Variants in AGBL1 observed in about 807,000 individuals in gnomAD.
AGBL1 encodes cytosolic carboxypeptidase 4.
In AGBL1, 130 loss-of-function variants were observed where a neutral mutation model predicts 118.9. That is an observed-to-expected ratio of 1.09 (90% confidence interval 0.95 to 1.26). The LOEUF (loss-of-function observed/expected upper bound fraction) is 1.26, where lower values mean the gene tolerates loss of function less well. AGBL1 is among the 50% of genes most tolerant of loss of function. AGBL1 has a pLI of 0.00. For synonymous variants in AGBL1, 555 were observed against 478.9 expected (o/e 1.16, Z -2.08); for missense variants, 1,584 against 1,298.1 (o/e 1.22, Z -3.38).
intron 5 of AGBL1, among the ~76,000 whole-genome samples, chr15:86,213,428 G>A (rs1184167584): frequency 2.6e-5 from 4 of 152,184 alleles, no homozygotes; most frequent in Non-Finnish European, 4.4e-5. Context: ...CAACACCTGG[G>A]AGGTTGTTGG....
chr15:86,828,251 G>A (rs909662512), intron 22 of AGBL1, among the ~76,000 whole-genome samples: 17 of 151,898 alleles, frequency 1.1e-4, no homozygotes, highest in African/African-American at 4.1e-4. Context: ...CCTGTCGTAC[G>A]ACTTTTTTAT....
At chr15:86,412,715 G>C (rs1244334728) in intron 18 of AGBL1, among the ~76,000 whole-genome samples, 1 of 152,090 alleles carries the variant, frequency 6.6e-6, no homozygotes, top group Non-Finnish European at 1.5e-5. Context: ...TTGAAATATA[G>C]GGCAAATACA....
chr15:86,151,536 A>G (rs2077110884), intron 3 of AGBL1, among the ~76,000 whole-genome samples: 1 of 152,208 alleles, frequency 6.6e-6, no homozygotes, highest in South Asian at 2.1e-4. Context: ...CAAAATAATC[A>G]GAGCTATTTA....
At chr15:86,776,137 T>A (rs193270253) in intron 22 of AGBL1, among the ~76,000 whole-genome samples, 8 of 152,280 alleles carry the variant, frequency 5.3e-5, no homozygotes, top group Admixed American at 1.3e-4. Context: ...ATTTTCAGGT[T>A]GATAAAAGTG....
chr15:86,400,658 C>G (rs981663822), intron 18 of AGBL1, among the ~76,000 whole-genome samples: 2 of 149,498 alleles, frequency 1.3e-5, no homozygotes, highest in Non-Finnish European at 3.0e-5. Context: ...ATTCTCATGT[C>G]TTTGCATCCT....
At chr15:86,882,239 G>T (rs370211741) in intron 22 of AGBL1, among the ~76,000 whole-genome samples, 11 of 152,102 alleles carry the variant, frequency 7.2e-5, no homozygotes, top group Non-Finnish European at 1.5e-4. Flanking sequence ...CACTTCCTCA[G>T]AATTAAATAA....
chr15:86,842,103 C>T (rs2198309), intron 22 of AGBL1, among the ~76,000 whole-genome samples: 151,471 of 152,212 alleles, frequency 1, 75,367 homozygotes, highest in Middle Eastern at 1. Flanking sequence ...GAAAAAAATA[C>T]AATCTAAATT....
chr15:86,366,905 T>C (rs1286354850), intron 17 of AGBL1, among the ~76,000 whole-genome samples: 2 of 152,208 alleles, frequency 1.3e-5, no homozygotes, highest in Non-Finnish European at 2.9e-5. Flanking sequence ...GGTGTTCGCC[T>C]TGACCCCATA....
chr15:86,436,837 G>C (rs2082006070), intron 18 of AGBL1, among the ~76,000 whole-genome samples: 2 of 152,178 alleles, frequency 1.3e-5, no homozygotes, highest in South Asian at 4.1e-4. Context: ...CTAAGGAACT[G>C]CTTATGGTTC....
intron 21 of AGBL1, among the ~76,000 whole-genome samples, chr15:86,632,817 A>G (rs549381662): frequency 1.5e-5 from 1 of 65,032 alleles, no homozygotes; most frequent in South Asian, 6.0e-4. Context: ...TTTTGCAGTT[A>G]ATTTGTAAAA....
chr15:86,333,895 A>G (rs1410983287), intron 17 of AGBL1, among the ~76,000 whole-genome samples: 2 of 152,198 alleles, frequency 1.3e-5, no homozygotes, highest in Non-Finnish European at 2.9e-5. Flanking sequence ...CAAATCAATA[A>G]ATGTGATTCA....
intron 22 of AGBL1, among the ~76,000 whole-genome samples, chr15:86,720,647 TAGAA>T (rs2086703780): frequency 6.6e-6 from 1 of 152,026 alleles, no homozygotes; most frequent in Admixed American, 6.6e-5. Flanking sequence ...ACAAGTATGA[TAGAA>T]AGAATGCGAA....
At chr15:86,959,272 A>G (rs746755183) in intron 23 of AGBL1, among the ~76,000 whole-genome samples, 3 of 152,148 alleles carry the variant, frequency 2.0e-5, no homozygotes, top group Non-Finnish European at 4.4e-5. Flanking sequence ...GATTAAAGGT[A>G]TTTTAATATT....
intron 21 of AGBL1, among the ~76,000 whole-genome samples, chr15:86,596,581 G>A (rs1195844162): frequency 6.6e-6 from 1 of 152,076 alleles, no homozygotes; most frequent in Non-Finnish European, 1.5e-5. Flanking sequence ...AACACCTGGT[G>A]GACTTCTCTC....
At chr15:86,766,490 C>G (rs544937185) in intron 22 of AGBL1, among the ~76,000 whole-genome samples, 4 of 151,862 alleles carry the variant, frequency 2.6e-5, no homozygotes, top group African/African-American at 9.6e-5. Context: ...TGAAATTATT[C>G]CATTCAACGT....
chr15:86,120,201 A>C (rs1898011730), intron 1 of AGBL1, among the ~76,000 whole-genome samples: 1 of 152,124 alleles, frequency 6.6e-6, no homozygotes, highest in African/African-American at 2.4e-5. Context: ...GGGCTGTAAG[A>C]TATGTTGCAA....
At chr15:86,474,691 C>A (rs531669839) in intron 18 of AGBL1, among the ~76,000 whole-genome samples, 1 of 152,326 alleles carries the variant, frequency 6.6e-6, no homozygotes, top group South Asian at 2.1e-4. Context: ...CCTCTGCAGA[C>A]TTAAATGTCC....
At chr15:86,208,251 T>C (rs2078028312) in intron 5 of AGBL1, among the ~76,000 whole-genome samples, 2 of 152,240 alleles carry the variant, frequency 1.3e-5, no homozygotes, top group African/African-American at 4.8e-5. Context: ...TTTGCATCGA[T>C]GTTCATCAGG....
chr15:86,968,349 A>G (rs1775457223), intron 23 of AGBL1, among the ~76,000 whole-genome samples: 2 of 151,924 alleles, frequency 1.3e-5, no homozygotes, highest in Non-Finnish European at 2.9e-5. Flanking sequence ...TAATGATTAG[A>G]TGGAATGTTC....
Sources: gnomAD v4.1 joint callset for allele counts (sites outside exome capture counted in the v4.1 genomes callset) on GRCh38, gnomAD v4.1.1 for gene constraint, MANE v1.5 for transcripts, NCBI Gene and HGNC (gene_info 2026-07-23, HGNC 2026-07-21) for gene names.